Variants in TTC28 observed in about 807,000 individuals in gnomAD.
TTC28 encodes tetratricopeptide repeat domain 28, also known as tetratricopeptide repeat protein 28.
A neutral mutation model predicts 198.0 loss-of-function variants in TTC28; 61 were observed. The ratio of observed to expected loss-of-function variants is 0.31; its 90% CI spans 0.25 to 0.38. TTC28 has a LOEUF of 0.38. TTC28 is among the 10% of genes least tolerant of loss of function. The pLI is 1.00. For missense variants in TTC28, 2,678 were observed against 3,164.0 expected (o/e 0.85, Z 3.69); for synonymous variants, 1,171 against 1,297.8 (o/e 0.90, Z 2.10).
chr22:28,256,063 A>G (rs1405070911), intron 5 of TTC28, among the ~76,000 whole-genome samples: 1 of 152,106 alleles, frequency 6.6e-6, no homozygotes, highest in Non-Finnish European at 1.5e-5. Flanking sequence ...TGTGGCTCAC[A>G]TTAGTAGCAA....
At chr22:28,657,601 G>A (rs1231665553) in intron 1 of TTC28, among the ~76,000 whole-genome samples, 3 of 152,226 alleles carry the variant, frequency 2.0e-5, no homozygotes, top group Non-Finnish European at 4.4e-5. Context: ...TTTCTGGGCT[G>A]GGCGTGGTGG....
intron 12 of TTC28, among the ~76,000 whole-genome samples, chr22:28,068,779 T>A (rs1392049153): frequency 6.6e-6 from 1 of 152,208 alleles, no homozygotes; most frequent in Admixed American, 6.5e-5. Flanking sequence ...ATATGAACTA[T>A]TTTTATTTCA....
chr22:28,371,674 C>G (rs1026431104), intron 2 of TTC28, among the ~76,000 whole-genome samples: 4 of 122,964 alleles, frequency 3.3e-5, no homozygotes, highest in Admixed American at 2.8e-4. Flanking sequence ...CCTCTGCCTC[C>G]CAGGTTCAAG....
intron 2 of TTC28, among the ~76,000 whole-genome samples, chr22:28,434,606 T>C (rs1267390436): frequency 6.6e-6 from 1 of 152,198 alleles, no homozygotes; most frequent in Non-Finnish European, 1.5e-5. Flanking sequence ...AATGATCATG[T>C]ATCCACCATC....
intron 2 of TTC28, among the ~76,000 whole-genome samples, chr22:28,469,663 G>T (rs978747658): frequency 6.6e-6 from 1 of 152,132 alleles, no homozygotes; most frequent in African/African-American, 2.4e-5. Context: ...AGGCAGGCAA[G>T]AAATACAGCT....
chr22:28,618,909 A>G lies in TTC28; in HGVS notation c.381+10643T>C, dbSNP rs142071366. 1.2e-4 allele frequency among the ~76,000 whole-genome samples: 19 copies of G among 152,262 alleles called. 1 individual carries two copies. Among genetic ancestry groups the G allele is most frequent in the Admixed American group, 1.2e-3 (18 of 15,288 alleles). ...CAGTGAGCTACACTTATAGGATCCT[A>G]TATTAATAGGATCTGATAAACTATT... is the stretch of plus-strand genomic sequence containing the variant. On this transcript the variant is annotated intron_variant, in intron 2 of 22. Coordinates refer to ENST00000397906, the MANE Select transcript of TTC28 (RefSeq NM_001145418.2).
chr22:28,078,590 G>C (rs1941239829), intron 12 of TTC28, among the ~76,000 whole-genome samples: 1 of 152,096 alleles, frequency 6.6e-6, no homozygotes, highest in Non-Finnish European at 1.5e-5. Context: ...ACAAGGATGG[G>C]AATAATTCTG....
intron 5 of TTC28, among the ~76,000 whole-genome samples, chr22:28,263,532 T>C (rs1322690972): frequency 6.6e-6 from 1 of 152,188 alleles, no homozygotes. Context: ...TACATACTGA[T>C]GCAGTTTTCT....
At chr22:28,319,291 C>A (rs1035412077) in intron 2 of TTC28, among the ~76,000 whole-genome samples, 1 of 152,136 alleles carries the variant, frequency 6.6e-6, no homozygotes, top group African/African-American at 2.4e-5. Context: ...TACTCACTAG[C>A]AATTGAAGCA....
chr22:28,333,783 T>C (rs763174087), intron 2 of TTC28, among the ~76,000 whole-genome samples: 21 of 152,076 alleles, frequency 1.4e-4, no homozygotes, highest in Non-Finnish European at 2.8e-4. Flanking sequence ...TAAATCAAAG[T>C]ATTGTGGCAT....
intron 2 of TTC28, among the ~76,000 whole-genome samples, chr22:28,443,972 A>G (rs2047663937): frequency 6.6e-6 from 1 of 152,212 alleles, no homozygotes; most frequent in Admixed American, 6.5e-5. Flanking sequence ...AGAATAAAAT[A>G]TTTTAATCAA....
intron 15 of TTC28, 87 bp downstream of exon 15, chr22:28,001,287 C>G (rs55753016): frequency 4.1e-6 from 6 of 1,447,698 alleles, no homozygotes; most frequent in African/African-American, 1.4e-5. Context: ...GCTATGCCTT[C>G]GTAACACAGC....
At chr22:28,269,385 G>A (rs1311624971) in intron 5 of TTC28, among the ~76,000 whole-genome samples, 4 of 151,664 alleles carry the variant, frequency 2.6e-5, no homozygotes, top group Non-Finnish European at 5.9e-5. Context: ...AGTTGTTGTG[G>A]TGTCTCAACA....
At chr22:28,130,535 G>C (rs1943037778) in intron 6 of TTC28, among the ~76,000 whole-genome samples, 1 of 152,176 alleles carries the variant, frequency 6.6e-6, no homozygotes, top group African/African-American at 2.4e-5. Context: ...TTATACATAT[G>C]TATCTAGCTT....
At chr22:28,459,703 T>G (rs1392876731) in intron 2 of TTC28, among the ~76,000 whole-genome samples, 1 of 152,206 alleles carries the variant, frequency 6.6e-6, no homozygotes, top group Non-Finnish European at 1.5e-5. Context: ...GCTGAGTCCT[T>G]ACCCAAGTTT....
chr22:28,401,196 G>GGAGGAGGAGGATGACGAT, intron 2 of TTC28, among the ~76,000 whole-genome samples: 1 of 151,914 alleles, frequency 6.6e-6, no homozygotes, highest in Non-Finnish European at 1.5e-5. Context: ...GAGGGGGGGA[G>GGAGGAGGAGGATGACGAT]GAGGAGGAGG....
At chr22:28,593,389 T>C (rs1212141273) in intron 2 of TTC28, among the ~76,000 whole-genome samples, 3 of 152,228 alleles carry the variant, frequency 2.0e-5, no homozygotes, top group Non-Finnish European at 4.4e-5. Flanking sequence ...ATATTTTAAA[T>C]GCCTCTTTTT....
rs1601486061 is a variant in TTC28 at position 27,989,809 on chromosome 22, C to A, written c.5707+69G>T. 5 of 1,510,016 alleles carry A rather than the reference C, an allele frequency of 3.3e-6. No individual in the cohort carries two copies. The East Asian group carries it at 1.0e-4, about 30-fold the overall frequency. 93.5% of individuals were successfully genotyped at this position (1,510,016 alleles called of 1,614,324 possible). A position where few individuals can be genotyped will look rare whatever the true frequency, so the allele number is the denominator to read the frequency against. ...CTGAGATACTTTGCCCAACAGAAAC[C>A]AGGAGGAAAAACAGAGATTTAAAAG... On this transcript the variant is annotated intron_variant, in intron 21 of 22. Transcript: ENST00000397906.
At chr22:28,149,660 T>G (rs1290729177) in intron 6 of TTC28, among the ~76,000 whole-genome samples, 1 of 152,168 alleles carries the variant, frequency 6.6e-6, no homozygotes, top group African/African-American at 2.4e-5. Flanking sequence ...CAGATGGTCT[T>G]CAGGGGCTAT....
Sources: allele counts gnomAD v4.1 joint callset (sites outside exome capture counted in the v4.1 genomes callset), GRCh38; gene constraint gnomAD v4.1.1; transcripts MANE v1.5; gene names NCBI Gene and HGNC (gene_info 2026-07-23, HGNC 2026-07-21).